GLIPR2: variants seen among roughly 807,000 people sequenced by gnomAD.
GLIPR2 encodes the protein Golgi-associated plant pathogenesis-related protein 1.
In GLIPR2, 21 loss-of-function variants were observed where a neutral mutation model predicts 20.4. The ratio of observed to expected loss-of-function variants is 1.03; its 90% confidence interval spans 0.73 to 1.48. The LOEUF (loss-of-function observed/expected upper bound fraction) is 1.48. GLIPR2 is among the 40% of genes most tolerant of loss of function. The pLI, the probability that GLIPR2 is intolerant of heterozygous loss-of-function variation, is 0.00. For synonymous variants in GLIPR2, 91 were observed against 80.5 expected (o/e 1.13, Z -0.70); for missense variants, 205 against 200.1 (o/e 1.02, Z -0.15).
chr9:36,145,882 C>T (rs1185981343), intron 1 of GLIPR2, among the ~76,000 whole-genome samples: 1 of 152,150 alleles, frequency 6.6e-6, no homozygotes, highest in Admixed American at 6.5e-5. Context: ...CTTTTGGCTT[C>T]ACCTACTTAT....
intron 4 of GLIPR2, among the ~76,000 whole-genome samples, chr9:36,155,664 A>G (rs567194439): frequency 1.6e-4 from 24 of 152,352 alleles, no homozygotes; most frequent in East Asian, 9.6e-4. Context: ...CATTTATTTC[A>G]GTCCTTACCA....
At chr9:36,154,679 G>GGAAGTTGT (rs1474729289) in intron 4 of GLIPR2, among the ~76,000 whole-genome samples, 3 of 152,294 alleles carry the variant, frequency 2.0e-5, no homozygotes, top group African/African-American at 4.8e-5. Flanking sequence ...TGGTTGCTAA[G>GGAAGTTGT]GAAGTTGTGT....
intron 1 of GLIPR2, among the ~76,000 whole-genome samples, chr9:36,141,368 G>T (rs1282033981): frequency 2.7e-5 from 4 of 150,516 alleles, no homozygotes; most frequent in Non-Finnish European, 5.9e-5. Flanking sequence ...TCCTTAAACT[G>T]CCAACTTTTT....
chr9:36,150,836 G>T (rs1231453077), intron 3 of GLIPR2, 36 bp from the exon 4 acceptor site: 7 of 1,516,326 alleles, frequency 4.6e-6, no homozygotes, highest in Non-Finnish European at 6.4e-6. Flanking sequence ...GGTGGATTTT[G>T]TGGCTGAGTT....
chr9:36,148,777 A>G, intron 3 of GLIPR2, 127 bp downstream of exon 3: 1 of 658,308 alleles, frequency 1.5e-6, no homozygotes, highest in Non-Finnish European at 2.7e-6. Flanking sequence ...AAGAAAAACC[A>G]GAGCTCTCTG....
At chr9:36,139,885 T>C (rs1824995737) in intron 1 of GLIPR2, among the ~76,000 whole-genome samples, 1 of 152,140 alleles carries the variant, frequency 6.6e-6, no homozygotes, top group African/African-American at 2.4e-5. Context: ...GGCAATGACC[T>C]TGGGCTCAGT....
intron 4 of GLIPR2, among the ~76,000 whole-genome samples, chr9:36,155,101 A>G (rs1471142357): frequency 6.6e-6 from 1 of 152,240 alleles, no homozygotes; most frequent in Non-Finnish European, 1.5e-5. Flanking sequence ...AGTTTATTAA[A>G]CAGCAGTTAA....
rs1824840925 is a variant in GLIPR2, at chr9:36,136,844, G to A, written c.13+53G>A. 1 of 1,261,646 alleles carries A rather than the reference G, an allele frequency of 7.9e-7. No individual in the cohort carries two copies. The allele number at this position is 1,261,646 out of a possible 1,614,324, so 78.2% of individuals were successfully genotyped here. On this transcript the variant is annotated intron_variant, in intron 1 of 4. Coordinates refer to ENST00000377960, the MANE Select transcript of GLIPR2 (RefSeq NM_022343.4). This position sits in a 1 kb window ranked among gnomAD's most constrained non-coding sequence, Gnocchi z 4.3. ...AATGGTTCGGAACCCCGCGCTCCCG[G>A]ACCTCGCCGTCTCCCTCGTCCGCCG...
chr9:36,136,786 A>G lies in GLIPR2; in HGVS notation c.8A>G (p.Lys3Arg), dbSNP rs961238841. 7.7e-7 allele frequency: 1 copy of G among 1,303,270 alleles called. No homozygotes were observed. The allele number at this position is 1,303,270 out of a possible 1,614,324, so 80.7% of individuals were successfully genotyped here. A position where few individuals can be genotyped will look rare whatever the true frequency, so the allele number is the denominator to read the frequency against. MG[K>R]SASKQFHNEV... ...GAGCGCGCGGAGCCGGCCATGGGCA[A>G]GTCAGGTGAGCCCGCGGGCTCGCCC... The change falls in exon 1 of 5, where the codon AAG (lysine) becomes AGG (arginine). Residue 3 changes from lysine (K) to arginine (R), a missense_variant. Lys to Arg is a conservative substitution (Grantham distance 26). Transcript: ENST00000377960. This position sits in a 1 kb window ranked among gnomAD's most constrained non-coding sequence, Gnocchi z 4.3.
chr9:36,149,591 A>G (rs771190080), intron 3 of GLIPR2, among the ~76,000 whole-genome samples: 13 of 152,180 alleles, frequency 8.5e-5, no homozygotes, highest in Non-Finnish European at 1.8e-4. Context: ...CCAGCCTCGC[A>G]CAGCCTCCCT....
At chr9:36,151,492 C>T (rs898628899) in intron 4 of GLIPR2, among the ~76,000 whole-genome samples, 1 of 152,126 alleles carries the variant, frequency 6.6e-6, no homozygotes, top group Admixed American at 6.5e-5. Context: ...CTTCCCCTTT[C>T]TGCACTAGTT....
chr9:36,138,424 C>T (rs560196337), intron 1 of GLIPR2, among the ~76,000 whole-genome samples: 2 of 152,216 alleles, frequency 1.3e-5, no homozygotes, highest in African/African-American at 4.8e-5. Flanking sequence ...AGGGTTTCAC[C>T]GTGTTGGTCA....
At chr9:36,154,431 T>C (rs1825740695) in intron 4 of GLIPR2, among the ~76,000 whole-genome samples, 1 of 152,182 alleles carries the variant, frequency 6.6e-6, no homozygotes. Context: ...TCAGAGCGTA[T>C]GACCTGTTTT....
intron 4 of GLIPR2, among the ~76,000 whole-genome samples, chr9:36,156,974 T>A (rs1270003265): frequency 1.3e-5 from 2 of 152,152 alleles, no homozygotes; most frequent in African/African-American, 4.8e-5. Context: ...TTTACCCTTA[T>A]TAGAGCACGT....
At chr9:36,149,765 C>G (rs548324717) in intron 3 of GLIPR2, among the ~76,000 whole-genome samples, 2 of 152,308 alleles carry the variant, frequency 1.3e-5, no homozygotes, top group South Asian at 4.1e-4. Flanking sequence ...CAGTAGCTCA[C>G]GCCTGCAATC....
Position 36,136,829 on chromosome 9 carries a change from A to C in GLIPR2, c.13+38A>C, listed in dbSNP as rs1824839359. On this transcript the variant is annotated intron_variant, in intron 1 of 4. Coordinates refer to ENST00000377960, the MANE Select transcript of GLIPR2 (RefSeq NM_022343.4). This position sits in a 1 kb window ranked among gnomAD's most constrained non-coding sequence, Gnocchi z 4.3. ...GCTCGCCCGCTGCGGAATGGTTCGG[A>C]ACCCCGCGCTCCCGGACCTCGCCGT... 1 of 1,275,778 alleles carries C rather than the reference A, an allele frequency of 7.8e-7. No homozygotes were observed. The highest frequency in any genetic ancestry group is 9.9e-7 in the Non-Finnish European group (1 of 1,011,164). The allele number at this position is 1,275,778 out of a possible 1,614,324, so 79.0% of individuals were successfully genotyped here.
At chr9:36,162,334 C>T (rs771530191) in intron 4 of GLIPR2, 28 bp from the exon 5 acceptor site, 1 of 1,603,030 alleles carries the variant, frequency 6.2e-7, no homozygotes, top group Non-Finnish European at 8.5e-7. Context: ...TCAGCCGTGT[C>T]CCTCTCCCTC....
intron 1 of GLIPR2, chr9:36,137,024 G>A (rs2132698618): frequency 2.4e-6 from 1 of 417,290 alleles, no homozygotes; most frequent in Non-Finnish European, 4.1e-6. Context: ...TGGGCTTCCC[G>A]ACCCTGAGGG....
intron 4 of GLIPR2, among the ~76,000 whole-genome samples, chr9:36,154,044 G>A (rs1466555682): frequency 7.2e-6 from 1 of 139,712 alleles, no homozygotes; most frequent in Admixed American, 7.6e-5. Flanking sequence ...GAGAAACAAT[G>A]TCTTATCATA....
Sources: gnomAD v4.1 joint callset for allele counts (sites outside exome capture counted in the v4.1 genomes callset) on GRCh38, gnomAD v4.1.1 for gene constraint, Gnocchi (gnomAD v3.1) non-coding constraint, MANE v1.5 for transcripts, NCBI Gene and HGNC (gene_info 2026-07-23, HGNC 2026-07-21) for gene names.